RASSF8: variants seen among roughly 807,000 people sequenced by gnomAD.
RASSF8 encodes Ras association domain family member 8, also known as ras association domain-containing protein 8.
Under a neutral mutation model 48.5 loss-of-function variants are expected in RASSF8, and 22 were observed. The observed-to-expected ratio is 0.45, with a 90% confidence interval of 0.32 to 0.65. RASSF8 has a LOEUF of 0.65. RASSF8 is among the 30% of genes least tolerant of loss of function. The probability of loss-of-function intolerance (pLI) is 0.03; values close to 1 mark genes in which losing one functional copy is unlikely to be tolerated. For missense variants in RASSF8, 418 were observed against 489.2 expected (o/e 0.85, Z 1.37); for synonymous variants, 127 against 171.5 (o/e 0.74, Z 2.03).
At chr12:25,998,080 G>T (rs79076710) in intron 2 of RASSF8, among the ~76,000 whole-genome samples, 1 of 152,124 alleles carries the variant, frequency 6.6e-6, no homozygotes, top group African/African-American at 2.4e-5. Context: ...ATTGGTTAAC[G>T]TGCAAGTCTA....
chr12:25,980,613 T>G (rs1485842885), intron 1 of RASSF8, among the ~76,000 whole-genome samples: 2 of 152,188 alleles, frequency 1.3e-5, no homozygotes, highest in African/African-American at 4.8e-5. Context: ...TGCTTTACAG[T>G]TGTATCAGTA....
chr12:26,028,981 G>A (rs1942973520), intron 2 of RASSF8, among the ~76,000 whole-genome samples: 1 of 152,152 alleles, frequency 6.6e-6, no homozygotes, highest in Non-Finnish European at 1.5e-5. Context: ...ATTGAAAAAA[G>A]CCGTATAAAA....
intron 2 of RASSF8, among the ~76,000 whole-genome samples, chr12:26,003,770 T>C: frequency 6.6e-6 from 1 of 152,224 alleles, no homozygotes; most frequent in Non-Finnish European, 1.5e-5. Context: ...ATTTTATATA[T>C]AGATTATATT....
intron 2 of RASSF8, among the ~76,000 whole-genome samples, chr12:26,019,438 A>G (rs554575484): frequency 6.6e-6 from 1 of 152,306 alleles, no homozygotes; most frequent in East Asian, 1.9e-4. Context: ...ATGTAGTCTC[A>G]TTACATTACA....
chr12:26,049,215 A>G (rs150443929), intron 2 of RASSF8, among the ~76,000 whole-genome samples: 2 of 152,328 alleles, frequency 1.3e-5, no homozygotes, highest in Non-Finnish European at 2.9e-5. Flanking sequence ...ATTTTACAAA[A>G]CATAACTTGG....
chr12:26,005,315 T>C (rs1283680245), intron 2 of RASSF8, among the ~76,000 whole-genome samples: 4 of 152,144 alleles, frequency 2.6e-5, no homozygotes, highest in Non-Finnish European at 4.4e-5. Flanking sequence ...CCATTTATTA[T>C]TGGTTTGCAT....
intron 1 of RASSF8, among the ~76,000 whole-genome samples, chr12:25,991,549 A>G (rs889561410): frequency 1.3e-5 from 2 of 152,158 alleles, no homozygotes; most frequent in East Asian, 1.9e-4. Flanking sequence ...CGTAGTCTAC[A>G]TGAAGGTTTG....
At chr12:26,014,105 A>G (rs1363830261) in intron 2 of RASSF8, among the ~76,000 whole-genome samples, 1 of 152,216 alleles carries the variant, frequency 6.6e-6, no homozygotes, top group African/African-American at 2.4e-5. Context: ...TACAGCAGGT[A>G]TAGGCACAGC....
At chr12:26,000,982 CTTTTTTTTTT>C (rs34793650) in intron 2 of RASSF8, among the ~76,000 whole-genome samples, 1 of 81,054 alleles carries the variant, frequency 1.2e-5, no homozygotes, top group Non-Finnish European at 2.2e-5. Context: ...TTAAAATTTC[CTTTTTTTTTT>C]TTTTTTTTTT....
At chr12:26,000,459 T>A (rs191774519) in intron 2 of RASSF8, among the ~76,000 whole-genome samples, 15 of 152,240 alleles carry the variant, frequency 9.9e-5, no homozygotes, top group Admixed American at 9.8e-4. Flanking sequence ...AATATTCAAG[T>A]CATGTATTCA....
At chr12:25,970,154 T>A (rs1565597917) in intron 1 of RASSF8, among the ~76,000 whole-genome samples, 1 of 152,026 alleles carries the variant, frequency 6.6e-6, no homozygotes, top group East Asian at 1.9e-4. Flanking sequence ...TGAAAGGAGT[T>A]CACATCCTAA....
At chr12:26,020,675 A>T (rs1192627376) in intron 2 of RASSF8, among the ~76,000 whole-genome samples, 3 of 152,092 alleles carry the variant, frequency 2.0e-5, no homozygotes, top group Non-Finnish European at 2.9e-5. Context: ...ATTTAAGTTT[A>T]AAAAAAAGAC....
chr12:26,035,175 C>T (rs1215037210), intron 2 of RASSF8, among the ~76,000 whole-genome samples: 1 of 151,878 alleles, frequency 6.6e-6, no homozygotes, highest in Non-Finnish European at 1.5e-5. Flanking sequence ...GGCTTTCCAA[C>T]CAGTTTTACT....
At chr12:26,022,708 A>G (rs1266904028) in intron 2 of RASSF8, among the ~76,000 whole-genome samples, 3 of 152,114 alleles carry the variant, frequency 2.0e-5, no homozygotes, top group Non-Finnish European at 4.4e-5. Flanking sequence ...TAACAAAAAA[A>G]ATTTACTAAA....
At chr12:26,030,361 G>T (rs1387328185) in intron 2 of RASSF8, among the ~76,000 whole-genome samples, 2 of 152,180 alleles carry the variant, frequency 1.3e-5, no homozygotes, top group African/African-American at 2.4e-5. Flanking sequence ...AGGTAGAGGG[G>T]CTACAAGAAG....
intron 1 of RASSF8, among the ~76,000 whole-genome samples, chr12:25,982,457 A>C (rs112881701): frequency 6.6e-6 from 1 of 152,254 alleles, no homozygotes; most frequent in Non-Finnish European, 1.5e-5. Flanking sequence ...ATGTGAGACT[A>C]GATACTCTGA....
chr12:26,035,317 T>C (rs1005608942), intron 2 of RASSF8, among the ~76,000 whole-genome samples: 63 of 150,546 alleles, frequency 4.2e-4, no homozygotes, highest in African/African-American at 1.3e-3. Context: ...AAAATGAAAG[T>C]GTTTATTGTA....
chr12:26,066,055 T>C (rs1233527625), intron 4 of RASSF8, among the ~76,000 whole-genome samples: 8 of 152,156 alleles, frequency 5.3e-5, no homozygotes, highest in Admixed American at 2.6e-4. Flanking sequence ...AGAGACACAA[T>C]TGATTACAAT....
chr12:26,069,526 A>G lies in RASSF8; in HGVS notation c.*708A>G. On this transcript the variant is annotated 3_prime_UTR_variant, in exon 6 of 6. Coordinates refer to ENST00000689635, the MANE Select transcript of RASSF8 (RefSeq NM_001394098.1). Reference sequence around the variant, plus strand: ...ATTTTTCATAAGCTAAATTGTATGTATAAAACATTTGCAGTGTTTCAGACA... The same window carrying G: ...ATTTTTCATAAGCTAAATTGTATGTGTAAAACATTTGCAGTGTTTCAGACA... 1 of 985,464 alleles carries G rather than the reference A, an allele frequency of 1.0e-6. No homozygotes were observed. The highest frequency in any genetic ancestry group is 1.2e-6 in the Non-Finnish European group (1 of 829,916). The allele number at this position is 985,464 out of a possible 1,614,324, so 61.0% of individuals were successfully genotyped here.
Sources: gnomAD v4.1 joint callset for allele counts (sites outside exome capture counted in the v4.1 genomes callset) on GRCh38, gnomAD v4.1.1 for gene constraint, MANE v1.5 for transcripts, NCBI Gene and HGNC (gene_info 2026-07-23, HGNC 2026-07-21) for gene names.